UGT2B17: variants seen among roughly 807,000 people sequenced by gnomAD.
The protein encoded by UGT2B17 is UDP glucuronosyltransferase family 2 member B17, also known as UDP-glucuronosyltransferase 2B17.
In UGT2B17, 21 loss-of-function variants were observed where a neutral mutation model predicts 48.2. The ratio of observed to expected loss-of-function variants is 0.44; its 90% CI spans 0.31 to 0.63. The LOEUF (loss-of-function observed/expected upper bound fraction) is 0.63. UGT2B17 is among the 20% of genes least tolerant of loss of function. The pLI is 0.08. For synonymous variants in UGT2B17, 146 were observed against 238.4 expected (o/e 0.61, Z 3.57); for missense variants, 402 against 696.1 (o/e 0.58, Z 4.75).
In UGT2B17 at chr4:68,544,147, G is replaced by C. The variant is rs571973701; in HGVS notation, c.1314-6243C>G. Reference sequence around the variant, plus strand: ...CATAATTGTTAGATTCACCAAAGTTGAAATGAAGGAAAAAATGTTAAGTGC... The same window carrying C: ...CATAATTGTTAGATTCACCAAAGTTCAAATGAAGGAAAAAATGTTAAGTGC... On this transcript the variant is annotated intron_variant, in intron 6 of 6. Transcript: ENST00000317746. Among the ~76,000 whole-genome samples the C allele has an allele frequency of 3.2e-5, 4 of 125,688 alleles. 1 individual carries two copies. In the Admixed American group the frequency reaches 3.3e-4, roughly 10 times the overall value. 82.5% of individuals were successfully genotyped at this position (125,688 alleles called of 152,430 possible).
chr4:68,551,101 T>A (rs1730906866), intron 5 of UGT2B17, among the ~76,000 whole-genome samples: 1 of 124,974 alleles, frequency 8.0e-6, no homozygotes, highest in Admixed American at 8.2e-5. Flanking sequence ...GAAAAGGTGG[T>A]GGTCTGTGTG....
In UGT2B17 at chr4:68,552,119, A is replaced by G. The variant is rs536061640; in HGVS notation, c.1006-208T>C. Reference sequence around the variant, plus strand: ...TTTACTTTTATAATCAATTTGGTATATAAAAAAATGACATTTCTAACTTAA... The same window carrying G: ...TTTACTTTTATAATCAATTTGGTATGTAAAAAAATGACATTTCTAACTTAA... On this transcript the variant is annotated intron_variant, in intron 4 of 6. Coordinates refer to ENST00000317746, the MANE Select transcript of UGT2B17 (RefSeq NM_001077.4). Among the ~76,000 whole-genome samples, 4 of 126,772 alleles carry G rather than the reference A, an allele frequency of 3.2e-5. 1 individual carries two copies. The highest frequency in any genetic ancestry group is 1.5e-3 in the East Asian group (2 of 1,326). The allele number at this position is 126,772 out of a possible 152,430, so 83.2% of individuals were successfully genotyped here.
In UGT2B17 at chr4:68,569,364, T is replaced by G. The variant is rs2109778902; in HGVS notation, c.-64-816A>C. On this transcript the variant is annotated intron_variant, in intron 1 of 6. Coordinates refer to ENST00000317746, the MANE Select transcript of UGT2B17 (RefSeq NM_001077.4). ...CCCCACTGGAGAAGCTGAAGTTCTG[T>G]TTGCAGGAGAAGTTCCTGACTTTAT... Among the ~76,000 whole-genome samples, 2 of 124,674 alleles carry G rather than the reference T, an allele frequency of 1.6e-5. 1 individual carries two copies. The highest frequency in any genetic ancestry group is 1.5e-3 in the East Asian group (2 of 1,302). 81.8% of individuals were successfully genotyped at this position (124,674 alleles called of 152,430 possible).
chr4:68,573,439 T>G (rs1384315882), intron 1 of UGT2B17, among the ~76,000 whole-genome samples: 2 of 125,580 alleles, frequency 1.6e-5, no homozygotes, highest in Non-Finnish European at 3.4e-5. Context: ...TTATCTAATC[T>G]ACATTTTTAT....
rs1165816646 is a variant in UGT2B17 at position 68,559,623 on chromosome 4, G to A, written c.1005+914C>T. Among the ~76,000 whole-genome samples the A allele has an allele frequency of 4.7e-5, 6 of 126,376 alleles. 2 individuals carry two copies. Among genetic ancestry groups the A allele is most frequent in the Admixed American group, 4.1e-4 (5 of 12,330 alleles). 82.9% of individuals were successfully genotyped at this position (126,376 alleles called of 152,430 possible). A position where few individuals can be genotyped will look rare whatever the true frequency, so the allele number is the denominator to read the frequency against. On this transcript the variant is annotated intron_variant, in intron 4 of 6. Coordinates refer to ENST00000317746, the MANE Select transcript of UGT2B17 (RefSeq NM_001077.4). Reference sequence around the variant, plus strand: ...AACTCTGTGTTTTCAGCAAAAACTTGCATAGATCATTCAGAGAGGGCTATG... The same window carrying A: ...AACTCTGTGTTTTCAGCAAAAACTTACATAGATCATTCAGAGAGGGCTATG...
rs970876940 is a variant in UGT2B17, at chr4:68,557,821, T to C, written c.1005+2716A>G. 1.2e-3 allele frequency among the ~76,000 whole-genome samples: 151 copies of C among 125,320 alleles called. 25 individuals are homozygous for C. Among genetic ancestry groups the C allele is most frequent in the Non-Finnish European group, 2.1e-3 (125 of 58,988 alleles). 82.2% of individuals were successfully genotyped at this position (125,320 alleles called of 152,430 possible). On this transcript the variant is annotated intron_variant, in intron 4 of 6. Transcript: ENST00000317746. ...CCTTTAGGGAATCAAACTTAACTTA[T>C]GGAGCCAATAAAACCCCTTGGGAAA...
At chr4:68,548,882 T>A (rs1194995695) in intron 6 of UGT2B17, among the ~76,000 whole-genome samples, 4 of 125,178 alleles carry the variant, frequency 3.2e-5, no homozygotes, top group Admixed American at 1.7e-4. Flanking sequence ...AAGTTGCTTA[T>A]CAGCTTAAGG....
At chr4:68,564,118 T>C (rs758997512) in intron 3 of UGT2B17, among the ~76,000 whole-genome samples, 2 of 123,026 alleles carry the variant, frequency 1.6e-5, no homozygotes, top group African/African-American at 5.6e-5. Flanking sequence ...ATGTAAAAGT[T>C]CCTAAATATT....
rs1243690924 is a variant in UGT2B17 at position 68,549,926 on chromosome 4, A to G, written c.1313+751T>C. ...GGTAATTTTGGTATAAACATATCAA[A>G]GAATATTATATAGAAATAAAAATGA... is the stretch of plus-strand genomic sequence containing the variant. On this transcript the variant is annotated intron_variant, in intron 6 of 6. Transcript: ENST00000317746. Among the ~76,000 whole-genome samples the G allele has an allele frequency of 7.1e-5, 9 of 126,320 alleles. 4 individuals carry two copies. The highest frequency in any genetic ancestry group is 1.5e-4 in the Non-Finnish European group (9 of 59,608). The allele number at this position is 126,320 out of a possible 152,430, so 82.9% of individuals were successfully genotyped here. A position where few individuals can be genotyped will look rare whatever the true frequency, so the allele number is the denominator to read the frequency against.
In UGT2B17 at chr4:68,543,413, A is replaced by T. The variant is rs1285527242; in HGVS notation, c.1314-5509T>A. On this transcript the variant is annotated intron_variant, in intron 6 of 6. Coordinates refer to ENST00000317746, the MANE Select transcript of UGT2B17 (RefSeq NM_001077.4). ...AGGAAAACTAACAAACGGAAAGGAC[A>T]TCCACACCAAAACCCATTTCTACAT... 3.2e-5 allele frequency among the ~76,000 whole-genome samples: 4 copies of T among 125,650 alleles called. 1 individual carries two copies. Among genetic ancestry groups the T allele is most frequent in the Non-Finnish European group, 5.1e-5 (3 of 59,182 alleles). The allele number at this position is 125,650 out of a possible 152,430, so 82.4% of individuals were successfully genotyped here. A position where few individuals can be genotyped will look rare whatever the true frequency, so the allele number is the denominator to read the frequency against.
intron 1 of UGT2B17, among the ~76,000 whole-genome samples, chr4:68,574,022 G>A (rs1731332124): frequency 7.9e-6 from 1 of 126,918 alleles, no homozygotes; most frequent in Non-Finnish European, 1.7e-5. Flanking sequence ...GAGGACCACC[G>A]TAGTGGGAAG....
At chr4:68,548,083 C>A (rs1730850871) in intron 6 of UGT2B17, among the ~76,000 whole-genome samples, 1 of 126,248 alleles carries the variant, frequency 7.9e-6, no homozygotes, top group South Asian at 3.6e-4. Flanking sequence ...GGGTATATAC[C>A]CAAAGGGTTA....
intron 6 of UGT2B17, among the ~76,000 whole-genome samples, chr4:68,547,238 T>G (rs1730830658): frequency 8.1e-6 from 1 of 123,262 alleles, no homozygotes; most frequent in Non-Finnish European, 1.7e-5. Flanking sequence ...TATAGACCAA[T>G]GGAACAGAAC....
In UGT2B17 at chr4:68,556,711, G is replaced by C. The variant is rs1376173409; in HGVS notation, c.1005+3826C>G. 1.6e-5 allele frequency among the ~76,000 whole-genome samples: 2 copies of C among 125,522 alleles called. 1 individual carries two copies. Among genetic ancestry groups the C allele is most frequent in the Non-Finnish European group, 3.4e-5 (2 of 59,090 alleles). 82.3% of individuals were successfully genotyped at this position (125,522 alleles called of 152,430 possible). On this transcript the variant is annotated intron_variant, in intron 4 of 6. Transcript: ENST00000317746. ...TTATGGTCAAGATTAGAATTTTATA[G>C]ATTGTTCATACAATTTTGAAAAACA...
At chr4:68,551,318 T>TA (rs1491234649) in intron 5 of UGT2B17, among the ~76,000 whole-genome samples, 1 of 123,910 alleles carries the variant, frequency 8.1e-6, no homozygotes, top group African/African-American at 2.8e-5. Flanking sequence ...AATACTTAAA[T>TA]TTTTTTTTAA....
At chr4:68,554,976 AAG>A (rs1459814819) in intron 4 of UGT2B17, among the ~76,000 whole-genome samples, 2 of 125,814 alleles carry the variant, frequency 1.6e-5, no homozygotes, top group Non-Finnish European at 3.4e-5. Flanking sequence ...AAATATATAA[AAG>A]AGCTCTAATT....
In UGT2B17 at chr4:68,567,642, T is replaced by C. The variant is rs1283460861; in HGVS notation, c.724+119A>G. On this transcript the variant is annotated intron_variant, in intron 2 of 6. Transcript: ENST00000317746. The stretch of plus-strand genomic sequence containing the variant: ...TTTGAGACTCATAGATCATCTTACA[T>C]TTGCAATTCATAATTTCCCATAAAA... The C allele has an allele frequency of 2.5e-6, 2 of 788,896 alleles. 1 individual carries two copies. Among genetic ancestry groups the C allele is most frequent in the Non-Finnish European group, 3.5e-6 (2 of 573,920 alleles). The allele number at this position is 788,896 out of a possible 1,614,324, so 48.9% of individuals were successfully genotyped here.
intron 6 of UGT2B17, among the ~76,000 whole-genome samples, chr4:68,540,169 T>A (rs1243024377): frequency 1.6e-5 from 2 of 126,538 alleles, no homozygotes; most frequent in African/African-American, 5.4e-5. Context: ...TATACAGATA[T>A]ATGTGCAATA....
chr4:68,537,471 T>A lies in UGT2B17; in HGVS notation c.*154A>T. On this transcript the variant is annotated 3_prime_UTR_variant, in exon 7 of 7. Coordinates refer to ENST00000317746, the MANE Select transcript of UGT2B17 (RefSeq NM_001077.4). ...GAATAATTCCAACTAAAGTACATATTAAATTCCTGGAAAATAAATTTTGAC... is the reference window on the plus strand; with the variant it reads ...GAATAATTCCAACTAAAGTACATATAAAATTCCTGGAAAATAAATTTTGAC... 3.1e-6 allele frequency: 2 copies of A among 650,474 alleles called. No individual in the cohort carries two copies. The highest frequency in any genetic ancestry group is 4.2e-6 in the Non-Finnish European group (2 of 474,188). The allele number at this position is 650,474 out of a possible 1,614,324, so 40.3% of individuals were successfully genotyped here.
Sources: gnomAD v4.1 joint callset for allele counts (sites outside exome capture counted in the v4.1 genomes callset) on GRCh38, gnomAD v4.1.1 for gene constraint, MANE v1.5 for transcripts, NCBI Gene and HGNC (gene_info 2026-07-23, HGNC 2026-07-21) for gene names.